Variants in LHFPL3 observed in about 807,000 individuals in gnomAD.
The protein encoded by LHFPL3 is LHFPL tetraspan subfamily member 3.
In LHFPL3, 5 loss-of-function variants were observed where a neutral mutation model predicts 19.3. That is an observed-to-expected ratio of 0.26 (90% CI 0.14 to 0.54). LHFPL3 has a LOEUF of 0.54. LHFPL3 is among the 20% of genes least tolerant of loss of function. The probability of loss-of-function intolerance (pLI) is 0.94; values close to 1 mark genes in which losing one functional copy is unlikely to be tolerated. For missense variants in LHFPL3, 249 were observed against 307.4 expected (o/e 0.81, Z 1.42); for synonymous variants, 133 against 126.2 (o/e 1.05, Z -0.36).
intron 1 of LHFPL3, among the ~76,000 whole-genome samples, chr7:104,589,720 C>T (rs1419085198): frequency 1.3e-5 from 2 of 152,056 alleles, no homozygotes; most frequent in East Asian, 1.9e-4. Context: ...TGGTAGAATT[C>T]GGCTGTGAAT....
chr7:104,350,660 GGCAGACACAA>G (rs1240240589), intron 1 of LHFPL3, among the ~76,000 whole-genome samples: 1 of 152,192 alleles, frequency 6.6e-6, no homozygotes, highest in Non-Finnish European at 1.5e-5. Context: ...GCTGGGGACT[GGCAGACACAA>G]ACAAGTAATT....
At chr7:104,408,585 A>C (rs1241210046) in intron 1 of LHFPL3, among the ~76,000 whole-genome samples, 1 of 152,240 alleles carries the variant, frequency 6.6e-6, no homozygotes, top group Non-Finnish European at 1.5e-5. Context: ...AAATCTTAAA[A>C]AGATCTTGAA....
At chr7:104,692,212 T>C (rs1440874540) in intron 1 of LHFPL3, among the ~76,000 whole-genome samples, 1 of 152,194 alleles carries the variant, frequency 6.6e-6, no homozygotes, top group Non-Finnish European at 1.5e-5. Flanking sequence ...AACTTATGTT[T>C]AAAAGGGAAG....
At chr7:104,790,985 G>A (rs1584535806) in intron 2 of LHFPL3, among the ~76,000 whole-genome samples, 1 of 152,208 alleles carries the variant, frequency 6.6e-6, no homozygotes, top group South Asian at 2.1e-4. Context: ...AGCACAGATA[G>A]AGCATCTTGA....
At chr7:104,889,661 A>G (rs1206938402) in intron 2 of LHFPL3, among the ~76,000 whole-genome samples, 1 of 152,152 alleles carries the variant, frequency 6.6e-6, no homozygotes, top group Non-Finnish European at 1.5e-5. Context: ...CAAGGAAAGT[A>G]TTGGCTTTTC....
chr7:104,521,779 T>A (rs1156616523), intron 1 of LHFPL3, among the ~76,000 whole-genome samples: 4 of 152,104 alleles, frequency 2.6e-5, no homozygotes, highest in Non-Finnish European at 4.4e-5. Context: ...AAAAAACACA[T>A]GAAAAAATGC....
At chr7:104,465,495 T>C (rs1792761417) in intron 1 of LHFPL3, among the ~76,000 whole-genome samples, 2 of 152,236 alleles carry the variant, frequency 1.3e-5, no homozygotes, top group Admixed American at 1.3e-4. Flanking sequence ...CTTGGTAATT[T>C]ATGAAGGAAA....
intron 2 of LHFPL3, among the ~76,000 whole-genome samples, chr7:104,807,047 G>GTGTC (rs1466622445): frequency 6.9e-6 from 1 of 144,210 alleles, no homozygotes; most frequent in African/African-American, 2.6e-5. Context: ...GTGTGTGTGT[G>GTGTC]TGTGTGTATT....
intron 2 of LHFPL3, among the ~76,000 whole-genome samples, chr7:104,742,577 C>A (rs1161471519): frequency 6.6e-6 from 1 of 152,162 alleles, no homozygotes; most frequent in Non-Finnish European, 1.5e-5. Flanking sequence ...GATCAAGCTG[C>A]CCAGTGCTAG....
At chr7:104,546,382 A>G (rs1394808105) in intron 1 of LHFPL3, among the ~76,000 whole-genome samples, 1 of 152,218 alleles carries the variant, frequency 6.6e-6, no homozygotes. Context: ...CCCTTGATAC[A>G]TAGCCAAGAC....
At chr7:104,565,113 GA>G (rs772005779) in intron 1 of LHFPL3, among the ~76,000 whole-genome samples, 1 of 152,162 alleles carries the variant, frequency 6.6e-6, no homozygotes, top group Non-Finnish European at 1.5e-5. Context: ...AAAATATAAT[GA>G]GTTAAAATAG....
chr7:104,839,018 T>C lies in LHFPL3; in HGVS notation c.683-67169T>C, dbSNP rs1030203275. Among the ~76,000 whole-genome samples the C allele has an allele frequency of 3.9e-5, 6 of 152,258 alleles. 1 individual carries two copies. The South Asian group carries it at 1.0e-3, about 26-fold the overall frequency. ...GGAATGAATTCTTAAAGAAAGAGAA[T>C]ATTCTGACCCCAGAGTAGATGAAAG... On this transcript the variant is annotated intron_variant, in intron 2 of 2. Transcript: ENST00000424859.
chr7:104,339,604 C>T lies in LHFPL3; in HGVS notation c.445+10380C>T, dbSNP rs772148493. On this transcript the variant is annotated intron_variant, in intron 1 of 2. Coordinates refer to ENST00000424859, the MANE Select transcript of LHFPL3 (RefSeq NM_199000.3). The stretch of plus-strand genomic sequence containing the variant: ...CACTTTCTTCTGCCTCCCAATGTAA[C>T]GTCCATTTCTTTAGTGTAAGTCTTC... Among the ~76,000 whole-genome samples the T allele has an allele frequency of 1.6e-4, 24 of 152,318 alleles. 1 individual carries two copies. The highest frequency in any genetic ancestry group is 9.8e-4 in the Admixed American group (15 of 15,298).
intron 1 of LHFPL3, among the ~76,000 whole-genome samples, chr7:104,348,045 G>C (rs75614932): frequency 0.055 from 8,378 of 151,196 alleles, 397 homozygotes; most frequent in African/African-American, 0.13. Context: ...CACAGAGTCA[G>C]TGCAATGGGA....
intron 2 of LHFPL3, chr7:104,744,182 T>A (rs748686126): frequency 6.6e-5 from 10 of 152,214 alleles, no homozygotes; most frequent in Non-Finnish European, 1.3e-4. Context: ...CAGTCCACTC[T>A]GTACAAGTAA....
intron 2 of LHFPL3, among the ~76,000 whole-genome samples, chr7:104,763,745 A>C (rs1005314660): frequency 1.3e-5 from 2 of 152,230 alleles, no homozygotes; most frequent in East Asian, 3.8e-4. Flanking sequence ...AAAGGGCAGT[A>C]ACTTCCTCAT....
intron 1 of LHFPL3, among the ~76,000 whole-genome samples, chr7:104,543,052 A>G (rs1280884008): frequency 6.6e-6 from 1 of 152,154 alleles, no homozygotes; most frequent in Non-Finnish European, 1.5e-5. Flanking sequence ...TAACACAGGA[A>G]CAGAAAACCA....
chr7:104,492,193 A>G (rs542392929), intron 1 of LHFPL3, among the ~76,000 whole-genome samples: 1 of 152,344 alleles, frequency 6.6e-6, no homozygotes, highest in African/African-American at 2.4e-5. Context: ...TATGAATTGA[A>G]TTTGATTATA....
intron 1 of LHFPL3, among the ~76,000 whole-genome samples, chr7:104,659,922 G>T (rs543830687): frequency 6.6e-6 from 1 of 152,142 alleles, no homozygotes; most frequent in Admixed American, 6.5e-5. Flanking sequence ...CTGGAGAAAG[G>T]CCTCATGTCA....
Sources: allele counts gnomAD v4.1 joint callset (sites outside exome capture counted in the v4.1 genomes callset), GRCh38; gene constraint gnomAD v4.1.1; transcripts MANE v1.5; gene names NCBI Gene and HGNC (gene_info 2026-07-23, HGNC 2026-07-21).